The following SLC6A12 variants were observed in gnomAD, a reference collection of about 807,000 sequenced individuals.
SLC6A12 encodes sodium- and chloride-dependent betaine transporter.
SLC6A12 carries 50 observed loss-of-function variants against 73.3 expected under a neutral mutation model. That is an observed-to-expected ratio of 0.68 (90% CI 0.54 to 0.86). SLC6A12 has a LOEUF of 0.86. Among genes scored for constraint, SLC6A12 ranks in the 40% least tolerant of loss-of-function variants. SLC6A12 has a pLI of 0.00. For missense variants in SLC6A12, 648 were observed against 772.8 expected, an observed-to-expected ratio of 0.84 and a Z score of 1.92; for synonymous variants, 304 against 309.2, an observed-to-expected ratio of 0.98 and a Z score of 0.18.
chr12:208,080 G>A (rs775644156), intron 3 of SLC6A12, among the ~76,000 whole-genome samples: 1 of 152,232 alleles, frequency 6.6e-6, no homozygotes, highest in Admixed American at 6.5e-5. Context: ...GCTGGGTGAG[G>A]AGTGTGCCGT....
intron 1 of SLC6A12, among the ~76,000 whole-genome samples, chr12:212,317 G>A (rs1438706201): frequency 1.3e-5 from 2 of 152,218 alleles, no homozygotes; most frequent in Admixed American, 6.5e-5. Flanking sequence ...GCTGTGGCAG[G>A]ACCAAGGTGG....
At chr12:195,077 T>C in intron 13 of SLC6A12, 148 bp downstream of exon 13, 1 of 656,262 alleles carries the variant, frequency 1.5e-6, no homozygotes, top group East Asian at 2.6e-5. Context: ...ACGGGTAAAT[T>C]TCCCAGTAAG....
At position 197,820 on chromosome 12, in the gene SLC6A12, A is replaced by C. The variant is rs181975404; in HGVS notation, c.950+80T>G. 141 of 1,042,776 alleles carry C rather than the reference A, an allele frequency of 1.4e-4. 2 individuals are homozygous for C. In the East Asian group the frequency reaches 2.9e-3, roughly 22 times the overall value. The allele number at this position is 1,042,776 out of a possible 1,614,324, so 64.6% of individuals were successfully genotyped here. A position where few individuals can be genotyped will look rare whatever the true frequency, so the allele number is the denominator to read the frequency against. ...TAATGAATAAGGAAGGTCTGGGCCC[A>C]GAGACTATGGGTCTTTGCCCAGAAC... On this transcript the variant is annotated intron_variant, in intron 9 of 15. Transcript: ENST00000684302.
In SLC6A12 at chr12:198,116, G is replaced by A. The variant is rs935332064; in HGVS notation, c.847-113C>T. On this transcript the variant is annotated intron_variant, in intron 8 of 15. Transcript: ENST00000684302. The surrounding 1 kb of genome is among the most constrained non-coding windows in gnomAD (Gnocchi z 4.0). ...CCAGCCTGGCCCCTCAGTGCTCCCT[G>A]AGCGCTTCCCTCCTGCATCCCAACT... The A allele has an allele frequency of 2.6e-6, 2 of 770,228 alleles. No homozygotes were observed. Among genetic ancestry groups the A allele is most frequent in the South Asian group, 1.6e-5 (1 of 61,696 alleles). 47.7% of individuals were successfully genotyped at this position (770,228 alleles called of 1,614,324 possible).
downstream of SLC6A12, among the ~76,000 whole-genome samples, chr12:187,404 C>G (rs992438113): frequency 2.0e-5 from 3 of 151,718 alleles, no homozygotes; most frequent in African/African-American, 7.3e-5. Flanking sequence ...AGTGAAACTG[C>G]GGACCTTCGC....
intron 13 of SLC6A12, among the ~76,000 whole-genome samples, chr12:194,966 G>A (rs538569861): frequency 9.2e-5 from 14 of 152,318 alleles, no homozygotes; most frequent in African/African-American, 2.2e-4. Flanking sequence ...GACACTGTGC[G>A]CTGTGCACTG....
At chr12:185,141 G>A (rs534286943), downstream of SLC6A12, among the ~76,000 whole-genome samples, 20 of 152,252 alleles carry the variant, frequency 1.3e-4, no homozygotes, top group African/African-American at 4.8e-4. Flanking sequence ...AGAACCAAGA[G>A]GAAAACAACA....
At chr12:212,884 C>A (rs975505913) in intron 1 of SLC6A12, among the ~76,000 whole-genome samples, 4 of 151,716 alleles carry the variant, frequency 2.6e-5, no homozygotes, top group African/African-American at 9.8e-5. Context: ...CTTTGCTAAG[C>A]CGGGACAGGG....
chr12:201,066 T>C (rs1940235952), intron 6 of SLC6A12, among the ~76,000 whole-genome samples: 1 of 151,196 alleles, frequency 6.6e-6, no homozygotes. Context: ...GTTTAGAGAG[T>C]AGATATTTAT....
At position 213,431 on chromosome 12, in the gene SLC6A12, C is replaced by T. The variant is rs1200340881; in HGVS notation, c.-143+491G>A. 6.6e-6 allele frequency: 1 copy of T among 152,594 alleles called. No homozygotes were observed. Among genetic ancestry groups the T allele is most frequent in the Non-Finnish European group, 1.5e-5 (1 of 68,194 alleles). 9.5% of individuals were successfully genotyped at this position (152,594 alleles called of 1,614,324 possible). A position where few individuals can be genotyped will look rare whatever the true frequency, so the allele number is the denominator to read the frequency against. On this transcript the variant is annotated intron_variant, in intron 1 of 15. Coordinates refer to ENST00000684302, the MANE Select transcript of SLC6A12 (RefSeq NM_001122848.3). This position sits in a 1 kb window ranked among gnomAD's most constrained non-coding sequence, Gnocchi z 5.3. ...ACCCATAGCATCCACCGCCCAAAGC[C>T]AAGACAGCTTCCTCCTGGGAGGCGC...
chr12:200,823 A>G lies in SLC6A12; in HGVS notation c.579-40T>C, dbSNP rs1347975799. ...AAAATAAGTAATGAGGGGAAAGGCT[A>G]AAGGGGACAGTTTGCGTCTGTCAGC... On this transcript the variant is annotated intron_variant, in intron 6 of 15. Transcript: ENST00000684302. 1.9e-6 allele frequency: 3 copies of G among 1,598,430 alleles called. No homozygotes were observed. The Admixed American group carries it at 5.1e-5, about 27-fold the overall frequency.
At chr12:201,906 C>A in intron 5 of SLC6A12, 57 bp from the exon 6 acceptor site, 5 of 1,483,298 alleles carry the variant, frequency 3.4e-6, no homozygotes, top group Non-Finnish European at 4.7e-6. Context: ...ACCCTAGTCC[C>A]CCTGGCCCTC....
intron 13 of SLC6A12, chr12:193,896 G>T (rs1408971805): frequency 4.6e-5 from 7 of 152,370 alleles, no homozygotes; most frequent in Non-Finnish European, 8.8e-5. Flanking sequence ...AGCATGGTAA[G>T]AAGGTTAATT....
At position 196,739 on chromosome 12, in the gene SLC6A12, C is replaced by T. The variant is rs200033888; in HGVS notation, c.1188+31G>A. The T allele has an allele frequency of 3.4e-5, 51 of 1,505,154 alleles. 1 individual carries two copies. In the South Asian group the frequency reaches 4.3e-4, roughly 13 times the overall value. The allele number at this position is 1,505,154 out of a possible 1,614,324, so 93.2% of individuals were successfully genotyped here. A position where few individuals can be genotyped will look rare whatever the true frequency, so the allele number is the denominator to read the frequency against. On this transcript the variant is annotated intron_variant, in intron 11 of 15. Coordinates refer to ENST00000684302, the MANE Select transcript of SLC6A12 (RefSeq NM_001122848.3). ...GCAAAGGCTTGCAAGAGGGTCACCACGGCAGGGCAGGCTGGGCTGCAGTGA... is the reference window on the plus strand; with the variant it reads ...GCAAAGGCTTGCAAGAGGGTCACCATGGCAGGGCAGGCTGGGCTGCAGTGA...
At chr12:193,719 A>G (rs115564225) in intron 13 of SLC6A12, among the ~76,000 whole-genome samples, 5,355 of 152,242 alleles carry the variant, frequency 0.035, 182 homozygotes, top group South Asian at 0.16. Flanking sequence ...ACGCCTGTTT[A>G]CCCGGGTAGC....
downstream of SLC6A12, among the ~76,000 whole-genome samples, chr12:187,541 C>T (rs569363633): frequency 3.7e-5 from 5 of 135,494 alleles, no homozygotes; most frequent in South Asian, 2.4e-4. Flanking sequence ...CTCATAAAGG[C>T]AGAGTAGACC....
chr12:204,302 T>TGGTTGCC, intron 4 of SLC6A12: 1 of 453,458 alleles, frequency 2.2e-6, no homozygotes, highest in Non-Finnish European at 4.0e-6. Flanking sequence ...AGGGGTCCCA[T>TGGTTGCC]GGTTGCCCCA....
chr12:197,138 C>CATCTATCCATCCATCT, intron 10 of SLC6A12, among the ~76,000 whole-genome samples: 1 of 74,700 alleles, frequency 1.3e-5, no homozygotes, highest in South Asian at 5.2e-4. Flanking sequence ...TCCATCCATC[C>CATCTATCCATCCATCT]ATCCATCCAT....
chr12:212,693 C>G (rs1940951564), intron 1 of SLC6A12, among the ~76,000 whole-genome samples: 1 of 152,124 alleles, frequency 6.6e-6, no homozygotes, highest in African/African-American at 2.4e-5. Flanking sequence ...TTAAGTTAGA[C>G]TCAGGGAAGA....
Sources: gnomAD v4.1 joint callset for allele counts (sites outside exome capture counted in the v4.1 genomes callset) on GRCh38, gnomAD v4.1.1 for gene constraint, Gnocchi (gnomAD v3.1) non-coding constraint, MANE v1.5 for transcripts, NCBI Gene and HGNC (gene_info 2026-07-23, HGNC 2026-07-21) for gene names.